The following ZNF211 variants were observed in gnomAD, a reference collection of about 807,000 sequenced individuals.
ZNF211 encodes the protein zinc finger protein 211, also known as zinc finger protein C2H2-25.
ZNF211 carries 18 observed loss-of-function variants against 12.1 expected under a neutral mutation model. The ratio of observed to expected loss-of-function variants is 1.48; its 90% CI spans 1.03 to 2.20. ZNF211 has a LOEUF of 2.20. Ranked by LOEUF, ZNF211 falls within the 30% of genes most tolerant of loss-of-function variation. The probability of loss-of-function intolerance (pLI) is 0.00; values close to 1 mark genes in which losing one functional copy is unlikely to be tolerated. For missense variants in ZNF211, 677 were observed against 703.1 expected (o/e 0.96, Z 0.42); for synonymous variants, 249 against 246.0 (o/e 1.01, Z -0.11).
intron 3 of ZNF211, among the ~76,000 whole-genome samples, chr19:57,639,358 T>C (rs1388700229): frequency 7.2e-6 from 1 of 138,180 alleles, no homozygotes; most frequent in Non-Finnish European, 1.6e-5. Flanking sequence ...TGGCTCACTT[T>C]TTTTTTTTTT....
At chr19:57,640,663 T>G (rs751250820) in intron 3 of ZNF211, 41 bp from the exon 4 acceptor site, 1 of 1,594,152 alleles carries the variant, frequency 6.3e-7, no homozygotes, top group Middle Eastern at 1.7e-4. Flanking sequence ...CTCCTCCTAA[T>G]AAAGGTAACA....
Position 57,641,840 on chromosome 19 carries a change from C to T in ZNF211, c.1393C>T (p.Pro465Ser). The change falls in exon 4 of 4, where the codon CCT becomes TCT. Residue 465 changes from proline to serine, a missense_variant. By Grantham distance (74) the Pro-to-Ser change is moderately conservative. Transcript: ENST00000240731. ...SHRKVHTGER[P>S]YVCGECGKSF... is the part of the protein sequence containing the mutation. ...TCGGAAAGTCCACACAGGGGAAAGGCCTTATGTGTGTGGGGAATGTGGGAA... is the reference window on the plus strand; with the variant it reads ...TCGGAAAGTCCACACAGGGGAAAGGTCTTATGTGTGTGGGGAATGTGGGAA... 3 of 1,614,134 alleles carry T rather than the reference C, an allele frequency of 1.9e-6. No homozygotes were observed. Among genetic ancestry groups the T allele is most frequent in the Non-Finnish European group, 2.5e-6 (3 of 1,180,026 alleles).
At chr19:57,640,065 C>T in intron 3 of ZNF211, 1 of 1,535,374 alleles carries the variant, frequency 6.5e-7, no homozygotes. Flanking sequence ...GGCATGTCAT[C>T]AGGTCTGTGT....
chr19:57,635,997 T>A (rs181489882), intron 3 of ZNF211, among the ~76,000 whole-genome samples: 1 of 152,340 alleles, frequency 6.6e-6, no homozygotes, highest in African/African-American at 2.4e-5. Flanking sequence ...TCTATTCATG[T>A]GCTGATTGGC....
chr19:57,637,251 A>G (rs1982258468), intron 3 of ZNF211, among the ~76,000 whole-genome samples: 1 of 151,752 alleles, frequency 6.6e-6, no homozygotes, highest in African/African-American at 2.4e-5. Flanking sequence ...TCTTAGAGGA[A>G]AATCTTTCAG....
rs1363020180 is a variant in ZNF211, at chr19:57,643,456, G to GA, written c.*1277dup. 1.3e-5 allele frequency among the ~76,000 whole-genome samples: 2 copies of GA among 152,178 alleles called. No individual in the cohort carries two copies. Among genetic ancestry groups the GA allele is most frequent in the African/African-American group, 4.8e-5 (2 of 41,444 alleles). On this transcript the variant is annotated 3_prime_UTR_variant, in exon 4 of 4. Transcript: ENST00000240731. ...AGCCTTTCTGGGATGTGCACCTCAA[G>GA]AACATTGCTGCATAGGCCAGGAAAA... is the stretch of plus-strand genomic sequence containing the variant.
chr19:57,641,714 T>G lies in ZNF211; in HGVS notation c.1267T>G (p.Ser423Ala). ...ATGTGGAAAATCCTTTAGCCGAAGC[T>G]CCAGCCTCATTCACCACCGGAGACT... is the stretch of plus-strand genomic sequence containing the variant. ...NECGKSFSRSSSLIHHRRLHT... is the reference protein window; with the variant it reads ...NECGKSFSRSASLIHHRRLHT... The change falls in exon 4 of 4, where the codon TCC becomes GCC. Residue 423 changes from serine (S) to alanine (A), a missense_variant. By Grantham distance (99) the Ser-to-Ala change is moderately conservative. Transcript: ENST00000240731. The G allele has an allele frequency of 6.2e-7, 1 of 1,614,018 alleles. No individual in the cohort carries two copies.
At chr19:57,640,219 C>G (rs1822516943) in intron 3 of ZNF211, among the ~76,000 whole-genome samples, 1 of 152,252 alleles carries the variant, frequency 6.6e-6, no homozygotes, top group African/African-American at 2.4e-5. Context: ...TGACTTCTAG[C>G]TAACGCTAAT....
chr19:57,641,007 A>G lies in ZNF211; in HGVS notation c.560A>G (p.Gln187Arg). 6.2e-7 allele frequency: 1 copy of G among 1,614,224 alleles called. No individual in the cohort carries two copies. ...TATGTGGACACTGCCTCGTTTACAC[A>G]GAGTTGCATAGTCCATGTGTCGGAG... ...RSYVDTASFTQSCIVHVSEKP... is the reference protein window; with the variant it reads ...RSYVDTASFTRSCIVHVSEKP... The change falls in exon 4 of 4, where the codon CAG (glutamine) becomes CGG (arginine). Residue 187 changes from glutamine (Q) to arginine (R), a missense_variant. Gln to Arg is a conservative substitution (Grantham distance 43). Transcript: ENST00000240731.
chr19:57,641,571 T>C lies in ZNF211; in HGVS notation c.1124T>C (p.Val375Ala). The C allele has an allele frequency of 6.2e-7, 1 of 1,613,584 alleles. No homozygotes were observed. The highest frequency in any genetic ancestry group is 2.2e-5 in the East Asian group (1 of 44,844). The change falls in exon 4 of 4, where the codon GTT (valine) becomes GCT (alanine). Residue 375 changes from valine (V) to alanine (A), a missense_variant. Coordinates refer to ENST00000240731, the MANE Select transcript of ZNF211 (RefSeq NM_006385.5). ...QRSNLMQHRR[V>A]HTGERPYECS... ...TCCAACCTCATGCAGCATCGCAGAG[T>C]TCACACTGGAGAAAGGCCTTATGAA...
Position 57,634,723 on chromosome 19 carries a change from T to C in ZNF211, c.224T>C (p.Met75Thr). The C allele has an allele frequency of 3.1e-6, 5 of 1,606,638 alleles. No individual in the cohort carries two copies. Among genetic ancestry groups the C allele is most frequent in the Non-Finnish European group, 4.3e-6 (5 of 1,175,780 alleles). The change falls in exon 3 of 4, where the codon ATG becomes ACG. Residue 75 changes from methionine to threonine, a missense_variant. Coordinates refer to ENST00000240731, the MANE Select transcript of ZNF211 (RefSeq NM_006385.5). ...EAQKHLYFDV[M>T]LENFALTSSL... ...CAGAAACACCTGTACTTCGATGTGA[T>C]GCTGGAGAACTTTGCACTTACGTCC...
Position 57,643,541 on chromosome 19 carries a change from A to G in ZNF211, c.*1360A>G, listed in dbSNP as rs939680237. On this transcript the variant is annotated 3_prime_UTR_variant, in exon 4 of 4. Coordinates refer to ENST00000240731, the MANE Select transcript of ZNF211 (RefSeq NM_006385.5). ...CAGGAATGTGACTTTGTAACCTACCATCATCCTGTGTTTAAATGAATTCAA... is the reference window on the plus strand; with the variant it reads ...CAGGAATGTGACTTTGTAACCTACCGTCATCCTGTGTTTAAATGAATTCAA... Among the ~76,000 whole-genome samples, 6 of 152,216 alleles carry G rather than the reference A, an allele frequency of 3.9e-5. No individual in the cohort carries two copies. Among genetic ancestry groups the G allele is most frequent in the Admixed American group, 2.6e-4 (4 of 15,278 alleles).
rs1297272143 is a variant in ZNF211, at chr19:57,643,765, G to A, written c.*1584G>A. On this transcript the variant is annotated 3_prime_UTR_variant, in exon 4 of 4. Transcript: ENST00000240731. ...TTCTAAGCTCTCCCTCCCCTCTCTG[G>A]CCCTCAAGGCAACCATTGATTTATA... Among the ~76,000 whole-genome samples, 2 of 151,958 alleles carry A rather than the reference G, an allele frequency of 1.3e-5. No homozygotes were observed. The highest frequency in any genetic ancestry group is 2.9e-5 in the Non-Finnish European group (2 of 67,980).
Position 57,641,053 on chromosome 19 carries a change from G to T in ZNF211, c.606G>T (p.Glu202Asp), listed in dbSNP as rs763370461. ...CGGAGAAACCCTTTACCTGCAGGGA[G>T]ATCAGGAAAGACTTCCTGGCCAACA... is the stretch of plus-strand genomic sequence containing the variant. ...HVSEKPFTCR[E>D]IRKDFLANMR... Residue 202 changes from glutamate to aspartate, a missense_variant, in exon 4 of 4, where the codon GAG (glutamate) becomes GAT (aspartate). Coordinates refer to ENST00000240731, the MANE Select transcript of ZNF211 (RefSeq NM_006385.5). 1.2e-6 allele frequency: 2 copies of T among 1,614,204 alleles called. No individual in the cohort carries two copies. The highest frequency in any genetic ancestry group is 1.1e-5 in the South Asian group (1 of 91,088).
Position 57,642,200 on chromosome 19 carries a change from A to C in ZNF211, c.*19A>C. 6.4e-7 allele frequency: 1 copy of C among 1,567,336 alleles called. No individual in the cohort carries two copies. The highest frequency in any genetic ancestry group is 8.6e-7 in the Non-Finnish European group (1 of 1,156,794). On this transcript the variant is annotated 3_prime_UTR_variant, in exon 4 of 4. Coordinates refer to ENST00000240731, the MANE Select transcript of ZNF211 (RefSeq NM_006385.5). ...GCCTTAGCTGTACTGAGAATATGCAATTTCCTTTTAGTGTAATTATACTGA... is the reference window on the plus strand; with the variant it reads ...GCCTTAGCTGTACTGAGAATATGCACTTTCCTTTTAGTGTAATTATACTGA...
intron 2 of ZNF211, chr19:57,634,289 A>G (rs1219910053): frequency 2.0e-6 from 1 of 508,156 alleles, no homozygotes; most frequent in African/African-American, 1.9e-5. Flanking sequence ...AGAAACAGGT[A>G]GGTACCAGCT....
In ZNF211 at chr19:57,643,830, T is replaced by C. The variant is rs1983232090; in HGVS notation, c.*1649T>C. ...AGGTTTGTTTGTATTTTCTATAATATATGATTTTATTAATAAAATGTCTTT... is the reference window on the plus strand; with the variant it reads ...AGGTTTGTTTGTATTTTCTATAATACATGATTTTATTAATAAAATGTCTTT... On this transcript the variant is annotated 3_prime_UTR_variant, in exon 4 of 4. Coordinates refer to ENST00000240731, the MANE Select transcript of ZNF211 (RefSeq NM_006385.5). Among the ~76,000 whole-genome samples the C allele has an allele frequency of 1.3e-5, 2 of 152,236 alleles. No homozygotes were observed. The highest frequency in any genetic ancestry group is 2.9e-5 in the Non-Finnish European group (2 of 68,040).
In ZNF211 at chr19:57,642,097, T is replaced by A. The variant is rs146505315; in HGVS notation, c.1650T>A (p.Tyr550Ter). Residue 550 changes from tyrosine (Y) to a stop codon, truncating the protein, a stop_gained, in exon 4 of 4, where the codon TAT (tyrosine) becomes TAA (stop). Coordinates refer to ENST00000240731, the MANE Select transcript of ZNF211 (RefSeq NM_006385.5). LOFTEE classifies it low-confidence loss of function (END_TRUNC). ...HRRVHTGKRPYQCSQCGKSFG... is the reference protein window; with the variant it reads ...HRRVHTGKRP ...GAGTTCACACGGGAAAAAGGCCTTA[T>A]CAGTGCAGTCAATGTGGGAAATCCT... 7,578 of 1,614,180 alleles carry A rather than the reference T, an allele frequency of 4.7e-3. 27 individuals carry two copies. The highest frequency in any genetic ancestry group is 5.8e-3 in the Non-Finnish European group (6,870 of 1,179,994).
intron 1 of ZNF211, 114 bp from the exon 2 acceptor site, chr19:57,633,909 A>G: frequency 1.2e-6 from 2 of 1,608,932 alleles, no homozygotes; most frequent in Non-Finnish European, 1.7e-6. Flanking sequence ...CGCACAGGTT[A>G]GACAGTCGAC....
Sources: gnomAD v4.1 joint callset for allele counts (sites outside exome capture counted in the v4.1 genomes callset) on GRCh38, gnomAD v4.1.1 for gene constraint, MANE v1.5 for transcripts, NCBI Gene and HGNC (gene_info 2026-07-23, HGNC 2026-07-21) for gene names.